The following OPRK1 variants were observed in gnomAD, a reference collection of about 807,000 sequenced individuals.
OPRK1 encodes the protein kappa-type opioid receptor.
A neutral mutation model predicts 24.5 loss-of-function variants in OPRK1; 15 were observed. The ratio of observed to expected loss-of-function variants is 0.61; its 90% CI spans 0.41 to 0.94. The LOEUF is 0.94. Ranked by LOEUF, OPRK1 falls within the 40% of genes least tolerant of loss-of-function variation. OPRK1 has a pLI of 0.00. For missense variants in OPRK1, 479 were observed against 507.3 expected (o/e 0.94, Z 0.54); for synonymous variants, 205 against 198.0 (o/e 1.04, Z -0.30).
At chr8:53,241,369 T>C (rs1279732363) in intron 2 of OPRK1, among the ~76,000 whole-genome samples, 1 of 151,954 alleles carries the variant, frequency 6.6e-6, no homozygotes, top group African/African-American at 2.4e-5. Context: ...ATTGAAATTG[T>C]AGGGTTTTTT....
intron 2 of OPRK1, 146 bp from the exon 3 acceptor site, chr8:53,235,257 C>G: frequency 1.6e-6 from 1 of 635,772 alleles, no homozygotes; most frequent in Non-Finnish European, 2.7e-6. Context: ...TGTAAATGGA[C>G]TGTTCTAGAC....
chr8:53,235,181 A>G (rs1806962173), intron 2 of OPRK1, 70 bp from the exon 3 acceptor site: 1 of 1,334,558 alleles, frequency 7.5e-7, no homozygotes, highest in Admixed American at 2.0e-5. Context: ...TGTGTTTGTG[A>G]TAGCCTTTGG....
At chr8:53,243,455 T>C (rs1807159671) in intron 2 of OPRK1, among the ~76,000 whole-genome samples, 1 of 152,222 alleles carries the variant, frequency 6.6e-6, no homozygotes, top group South Asian at 2.1e-4. Context: ...GCTACAGTTT[T>C]TCCTGGAGTC....
At chr8:53,238,186 G>T (rs1807037569) in intron 2 of OPRK1, among the ~76,000 whole-genome samples, 1 of 152,122 alleles carries the variant, frequency 6.6e-6, no homozygotes, top group South Asian at 2.1e-4. Context: ...TTCATTCACT[G>T]TATGTCCACC....
At chr8:53,249,914 G>T (rs535557816) in intron 2 of OPRK1, among the ~76,000 whole-genome samples, 2 of 152,220 alleles carry the variant, frequency 1.3e-5, no homozygotes, top group South Asian at 2.1e-4. Context: ...TCCCAGAAAA[G>T]GAAACACATC....
chr8:53,242,920 GC>G, intron 2 of OPRK1: 1 of 1,288,064 alleles, frequency 7.8e-7, no homozygotes, highest in Non-Finnish European at 1.0e-6. Flanking sequence ...AACCTGTTTG[GC>G]CAATGGAGAA....
intron 2 of OPRK1, among the ~76,000 whole-genome samples, chr8:53,245,627 G>C (rs73589376): frequency 6.6e-6 from 1 of 152,024 alleles, no homozygotes; most frequent in African/African-American, 2.4e-5. Flanking sequence ...GGGAGAGAGA[G>C]AGATAATTAG....
intron 2 of OPRK1, among the ~76,000 whole-genome samples, chr8:53,249,841 A>G (rs1484854661): frequency 6.6e-6 from 1 of 152,096 alleles, no homozygotes; most frequent in East Asian, 1.9e-4. Flanking sequence ...TTTCATAGAG[A>G]CTTCTCAAAG....
rs778900288 is a variant in OPRK1, at chr8:53,250,929, C to A, written c.109G>T (p.Asp37Tyr). 18 of 1,611,518 alleles carry A rather than the reference C, an allele frequency of 1.1e-5. No individual in the cohort carries two copies. The highest frequency in any genetic ancestry group is 1.7e-5 in the Admixed American group (1 of 59,876). Residue 37 changes from aspartate (D) to tyrosine (Y), a missense_variant, in exon 2 of 4, where the codon GAC (aspartate) becomes TAC (tyrosine). Transcript: ENST00000265572. ...SAWFPGWAEP[D>Y]SNGSAGSEDA... Reference sequence around the variant, plus strand: ...TCCGAGCCGGCGCTGCCGTTGCTGTCGGGCTCGGCCCAGCCGGGAAACCAG... The same window carrying A: ...TCCGAGCCGGCGCTGCCGTTGCTGTAGGGCTCGGCCCAGCCGGGAAACCAG...
At chr8:53,229,881 C>T (rs1438736847) in intron 3 of OPRK1, 52 bp from the exon 4 acceptor site, 10 of 1,474,004 alleles carry the variant, frequency 6.8e-6, no homozygotes, top group South Asian at 2.9e-5. Flanking sequence ...TTGTTATTAC[C>T]GTGGCTGCAA....
intron 2 of OPRK1, among the ~76,000 whole-genome samples, chr8:53,243,789 C>G (rs1807170015): frequency 6.6e-6 from 1 of 152,114 alleles, no homozygotes; most frequent in Non-Finnish European, 1.5e-5. Context: ...AAGACAGGAT[C>G]AAGAAATTAA....
At chr8:53,233,741 C>A (rs990595740) in intron 3 of OPRK1, among the ~76,000 whole-genome samples, 2 of 152,168 alleles carry the variant, frequency 1.3e-5, no homozygotes, top group East Asian at 3.9e-4. Flanking sequence ...AGGTCAGAGT[C>A]ACCTGGAGAG....
chr8:53,238,310 G>A (rs937987240), intron 2 of OPRK1, among the ~76,000 whole-genome samples: 7 of 152,330 alleles, frequency 4.6e-5, no homozygotes, highest in Admixed American at 4.6e-4. Flanking sequence ...GCACCATCTG[G>A]GTGGGAAGTT....
At position 53,226,799 on chromosome 8, in the gene OPRK1, T is replaced by C. The variant is rs202201808; in HGVS notation, c.*2498A>G. 3.3e-5 allele frequency: 5 copies of C among 152,358 alleles called. No individual in the cohort carries two copies. The South Asian group carries it at 6.2e-4, about 19-fold the overall frequency. The allele number at this position is 152,358 out of a possible 1,614,324, so 9.4% of individuals were successfully genotyped here. The stretch of plus-strand genomic sequence containing the variant: ...TCCCTTCTTCACTCCTTTTTCAATG[T>C]TGGGGAGTCGATATTAACAAGAATC... On this transcript the variant is annotated 3_prime_UTR_variant, in exon 4 of 4. Coordinates refer to ENST00000265572, the MANE Select transcript of OPRK1 (RefSeq NM_000912.5).
At position 53,234,784 on chromosome 8, in the gene OPRK1, G is replaced by A; in HGVS notation, c.585C>T (p.Val195=). The change falls in exon 3 of 4, where the codon GTC becomes GTT. Residue 195 remains valine (V), a synonymous_variant. Coordinates refer to ENST00000265572, the MANE Select transcript of OPRK1 (RefSeq NM_000912.5). ...CTTCCCTGACTTTGGTGCCTCCAAG[G>A]ACTATTGCAGAGATGCCAACAGATG... ...LSSSVGISAI[V]LGGTKVREDV... The A allele has an allele frequency of 6.2e-7, 1 of 1,613,536 alleles. No homozygotes were observed. The highest frequency in any genetic ancestry group is 8.5e-7 in the Non-Finnish European group (1 of 1,179,510).
chr8:53,250,772 C>G lies in OPRK1; in HGVS notation c.257+9G>C, dbSNP rs376414326. On this transcript the variant is annotated intron_variant, in intron 2 of 3. Coordinates refer to ENST00000265572, the MANE Select transcript of OPRK1 (RefSeq NM_000912.5). The stretch of plus-strand genomic sequence containing the variant: ...CCAGCCCCCAGCGCTGCGCTGTCCC[C>G]GCGCTCACCGGATGATCACGAACAT... The G allele has an allele frequency of 1.2e-5, 19 of 1,600,594 alleles. No homozygotes were observed. The highest frequency in any genetic ancestry group is 1.7e-5 in the Admixed American group (1 of 59,368).
intron 3 of OPRK1, among the ~76,000 whole-genome samples, chr8:53,232,368 T>C (rs1170323086): frequency 6.6e-6 from 1 of 152,132 alleles, no homozygotes; most frequent in African/African-American, 2.4e-5. Context: ...ATTATATATT[T>C]CAAAATAACT....
chr8:53,225,900 T>C lies in OPRK1; in HGVS notation c.*3397A>G, dbSNP rs1806669907. ...CCTTAAGGAAGCTGGGTTATACCGTTTTTGGATGTGATTTTCGTATTTATA... is the reference window on the plus strand; with the variant it reads ...CCTTAAGGAAGCTGGGTTATACCGTCTTTGGATGTGATTTTCGTATTTATA... On this transcript the variant is annotated 3_prime_UTR_variant, in exon 4 of 4. Transcript: ENST00000265572. 6.6e-6 allele frequency: 1 copy of C among 152,502 alleles called. No homozygotes were observed. The highest frequency in any genetic ancestry group is 2.1e-4 in the South Asian group (1 of 4,826). 9.4% of individuals were successfully genotyped at this position (152,502 alleles called of 1,614,324 possible). A position where few individuals can be genotyped will look rare whatever the true frequency, so the allele number is the denominator to read the frequency against.
intron 2 of OPRK1, among the ~76,000 whole-genome samples, chr8:53,248,695 CTT>C (rs1807295300): frequency 6.6e-6 from 1 of 152,198 alleles, no homozygotes; most frequent in African/African-American, 2.4e-5. Context: ...TAGCTATAGA[CTT>C]GAGTGAACTA....
Sources: gnomAD v4.1 joint callset for allele counts (sites outside exome capture counted in the v4.1 genomes callset) on GRCh38, gnomAD v4.1.1 for gene constraint, MANE v1.5 for transcripts, NCBI Gene and HGNC (gene_info 2026-07-23, HGNC 2026-07-21) for gene names.